Variants in FRMD4A observed in about 807,000 individuals in gnomAD.
FRMD4A encodes the protein FERM domain containing 4A.
In FRMD4A, 29 loss-of-function variants were observed where a neutral mutation model predicts 129.1. The ratio of observed to expected loss-of-function variants is 0.22; its 90% CI spans 0.17 to 0.31. The LOEUF is 0.31. FRMD4A is among the 10% of genes least tolerant of loss of function. FRMD4A has a pLI of 1.00. For missense variants in FRMD4A, 1,272 were observed against 1,375.8 expected (o/e 0.92, Z 1.19); for synonymous variants, 634 against 571.6 (o/e 1.11, Z -1.56).
chr10:13,973,082 T>C (rs1164767393), intron 2 of FRMD4A, among the ~76,000 whole-genome samples: 6 of 152,252 alleles, frequency 3.9e-5, no homozygotes, highest in African/African-American at 1.2e-4. Flanking sequence ...CTCCTCTGAC[T>C]TATTTCTTGA....
intron 15 of FRMD4A, chr10:13,685,121 G>T: frequency 1.0e-6 from 1 of 984,154 alleles, no homozygotes; most frequent in Non-Finnish European, 1.2e-6. Context: ...TCTGGGGACT[G>T]TTATAGAGAA....
At chr10:14,101,350 T>G (rs2131775352) in intron 2 of FRMD4A, among the ~76,000 whole-genome samples, 1 of 152,320 alleles carries the variant, frequency 6.6e-6, no homozygotes, top group South Asian at 2.1e-4. Flanking sequence ...CTTCCCAGAC[T>G]TTTTTCTTAA....
intron 2 of FRMD4A, among the ~76,000 whole-genome samples, chr10:13,906,787 A>G (rs914188166): frequency 1.3e-5 from 2 of 152,178 alleles, no homozygotes; most frequent in African/African-American, 4.8e-5. Context: ...CACCAAGTGT[A>G]TGCTCCTTGC....
In FRMD4A at chr10:13,657,234, C is replaced by G. The variant is rs2082243065; in HGVS notation, c.2355G>C (p.Gln785His). 6.3e-7 allele frequency: 1 copy of G among 1,579,756 alleles called. No homozygotes were observed. The highest frequency in any genetic ancestry group is 1.8e-5 in the Admixed American group (1 of 56,622). Reference protein sequence around the residue: ...SPSKARQRQRQRQRAAGALGS... With the variant: ...SPSKARQRQRHRQRAAGALGS... ...CCAGTGCGCCCGCCGCCCGCTGCCG[C>G]TGCCTCTGCCTCTGGCGCGCCTTGG... The change falls in exon 22 of 25, where the codon CAG (glutamine) becomes CAC (histidine). Residue 785 changes from glutamine to histidine, a missense_variant. Physicochemically the swap from Gln to His is conservative, Grantham distance 24 (BLOSUM62 0). This residue lies in a region of FRMD4A where 972 missense variants were observed against 892.3 expected (regional missense o/e 1.09). Transcript: ENST00000357447.
intron 2 of FRMD4A, among the ~76,000 whole-genome samples, chr10:14,089,639 A>AC (rs1554754916): frequency 2.0e-5 from 2 of 100,558 alleles, no homozygotes; most frequent in Non-Finnish European, 1.9e-5. Context: ...ACAAAAAAAA[A>AC]CAAACAAAAA....
chr10:13,656,621 G>A lies in FRMD4A; in HGVS notation c.2953+15C>T, dbSNP rs201700015. The A allele has an allele frequency of 2.5e-5, 35 of 1,390,840 alleles. No homozygotes were observed. The highest frequency in any genetic ancestry group is 3.6e-5 in the South Asian group (2 of 54,906). The allele number at this position is 1,390,840 out of a possible 1,614,324, so 86.2% of individuals were successfully genotyped here. On this transcript the variant is annotated intron_variant, in intron 22 of 24. Coordinates refer to ENST00000357447, the MANE Select transcript of FRMD4A (RefSeq NM_018027.5). ...CCTCAGGTCTTCCCGCGTGCACCTGGCCGCCCCCTCTCACCTGACGTGGCC... is the reference window on the plus strand; with the variant it reads ...CCTCAGGTCTTCCCGCGTGCACCTGACCGCCCCCTCTCACCTGACGTGGCC...
chr10:13,977,278 G>A (rs935487305), intron 2 of FRMD4A, among the ~76,000 whole-genome samples: 4 of 152,000 alleles, frequency 2.6e-5, no homozygotes, highest in Non-Finnish European at 5.9e-5. Context: ...ACTACTAATC[G>A]GTGTTTTAAT....
intron 2 of FRMD4A, among the ~76,000 whole-genome samples, chr10:14,218,955 C>CAAAAAAAAAAAAAAAA (rs56064346): frequency 1.4e-5 from 1 of 72,640 alleles, no homozygotes; most frequent in African/African-American, 7.7e-5. Flanking sequence ...GACTTCATCT[C>CAAAAAAAAAAAAAAAA]AAAAAAAAAA....
chr10:13,910,018 G>T (rs2094925328), intron 2 of FRMD4A, among the ~76,000 whole-genome samples: 1 of 152,248 alleles, frequency 6.6e-6, no homozygotes, highest in Admixed American at 6.5e-5. Context: ...GGACAGCCAT[G>T]AAATATGTTG....
At chr10:14,254,495 T>G (rs1183111473) in intron 2 of FRMD4A, among the ~76,000 whole-genome samples, 1 of 152,158 alleles carries the variant, frequency 6.6e-6, no homozygotes, top group Admixed American at 6.5e-5. Context: ...TCTCCTCTTA[T>G]GTATTGGGCT....
chr10:14,329,583 C>A (rs925665719), intron 2 of FRMD4A, among the ~76,000 whole-genome samples: 2 of 152,294 alleles, frequency 1.3e-5, no homozygotes, highest in East Asian at 1.9e-4. Context: ...CCACAGTGAA[C>A]CTCCTCCACC....
chr10:13,826,190 T>TA (rs2093698640), intron 3 of FRMD4A, among the ~76,000 whole-genome samples: 2 of 152,228 alleles, frequency 1.3e-5, no homozygotes, highest in South Asian at 4.1e-4. Context: ...TCTTAATCAG[T>TA]AACTGAATCC....
intron 15 of FRMD4A, among the ~76,000 whole-genome samples, chr10:13,676,328 C>A (rs925044427): frequency 2.6e-5 from 4 of 151,642 alleles, no homozygotes; most frequent in African/African-American, 7.3e-5. Context: ...GTGGCACCAT[C>A]TCGGCTCACT....
At chr10:13,949,741 A>G (rs1425862740) in intron 2 of FRMD4A, among the ~76,000 whole-genome samples, 1 of 152,230 alleles carries the variant, frequency 6.6e-6, no homozygotes, top group Non-Finnish European at 1.5e-5. Context: ...CGAGGGCACT[A>G]AGAGCCAGAG....
intron 8 of FRMD4A, among the ~76,000 whole-genome samples, chr10:13,754,676 T>TA (rs2091781340): frequency 6.6e-6 from 1 of 152,084 alleles, no homozygotes; most frequent in Non-Finnish European, 1.5e-5. Context: ...TTTGGGCTGT[T>TA]AGGTGTGTTT....
chr10:14,230,849 G>A (rs1843615629), intron 2 of FRMD4A, among the ~76,000 whole-genome samples: 1 of 152,112 alleles, frequency 6.6e-6, no homozygotes, highest in South Asian at 2.1e-4. Context: ...CTTGTTCAAT[G>A]TTTGACTTCC....
chr10:14,294,121 C>T (rs1272422615), intron 2 of FRMD4A, among the ~76,000 whole-genome samples: 1 of 152,182 alleles, frequency 6.6e-6, no homozygotes, highest in Non-Finnish European at 1.5e-5. Flanking sequence ...CAGGGGCACC[C>T]AGGGGATTCC....
intron 2 of FRMD4A, among the ~76,000 whole-genome samples, chr10:14,026,592 G>T (rs1205392890): frequency 6.6e-6 from 1 of 152,196 alleles, no homozygotes; most frequent in African/African-American, 2.4e-5. Context: ...AGCCAAGAAT[G>T]CACAGAAAAT....
intron 2 of FRMD4A, among the ~76,000 whole-genome samples, chr10:14,030,945 A>G (rs986768018): frequency 1.3e-5 from 2 of 152,108 alleles, no homozygotes; most frequent in Non-Finnish European, 2.9e-5. Flanking sequence ...GACCAGTCAC[A>G]AGGATGAATT....
Sources: allele counts gnomAD v4.1 joint callset (sites outside exome capture counted in the v4.1 genomes callset), GRCh38; gene constraint gnomAD v4.1.1; regional missense constraint gnomAD v4.1.1; transcripts MANE v1.5; gene names NCBI Gene and HGNC (gene_info 2026-07-23, HGNC 2026-07-21).